Variants in TMCO4 observed in about 807,000 individuals in gnomAD.
TMCO4 encodes transmembrane and coiled-coil domain-containing protein 4.
In TMCO4, 58 loss-of-function variants were observed where a neutral mutation model predicts 64.7. The observed-to-expected ratio is 0.90, with a 90% CI of 0.73 to 1.12. The LOEUF is 1.12. Ranked by LOEUF, TMCO4 falls within the 50% of genes most tolerant of loss-of-function variation. The probability of loss-of-function intolerance (pLI) is 0.00; values close to 1 mark genes in which losing one functional copy is unlikely to be tolerated. For synonymous variants in TMCO4, 325 were observed against 346.1 expected (o/e 0.94, Z 0.68); for missense variants, 780 against 825.9 (o/e 0.94, Z 0.68).
chr1:19,719,443 C>T (rs1022588271), intron 13 of TMCO4, among the ~76,000 whole-genome samples: 2 of 152,128 alleles, frequency 1.3e-5, no homozygotes, highest in African/African-American at 2.4e-5. Flanking sequence ...TGGGTAATAA[C>T]AGATAAACAT....
chr1:19,688,650 T>TA (rs1184432933), intron 15 of TMCO4, among the ~76,000 whole-genome samples: 1 of 152,144 alleles, frequency 6.6e-6, no homozygotes, highest in Non-Finnish European at 1.5e-5. Flanking sequence ...AAGCAGTGGT[T>TA]AACAGCCCAG....
chr1:19,723,857 G>A (rs1245834972), intron 13 of TMCO4, among the ~76,000 whole-genome samples: 7 of 152,132 alleles, frequency 4.6e-5, no homozygotes, highest in African/African-American at 1.7e-4. Flanking sequence ...TGCCCTGTGG[G>A]TTAACAGTGA....
At chr1:19,750,664 T>A (rs915422500) in intron 7 of TMCO4, among the ~76,000 whole-genome samples, 1 of 152,014 alleles carries the variant, frequency 6.6e-6, no homozygotes, top group Non-Finnish European at 1.5e-5. Flanking sequence ...GATCCCTCTC[T>A]CCCCCTCTAA....
At chr1:19,767,093 C>G (rs1052599891) in intron 6 of TMCO4, among the ~76,000 whole-genome samples, 1 of 152,198 alleles carries the variant, frequency 6.6e-6, no homozygotes, top group African/African-American at 2.4e-5. Context: ...ATTATATTCC[C>G]ATGGGGATGC....
At chr1:19,740,487 C>G (rs1237097887) in intron 11 of TMCO4, among the ~76,000 whole-genome samples, 1 of 152,196 alleles carries the variant, frequency 6.6e-6, no homozygotes, top group African/African-American at 2.4e-5. Context: ...CTAAGATCCA[C>G]CAACTCCAGC....
chr1:19,742,778 G>T (rs1266442), intron 10 of TMCO4, among the ~76,000 whole-genome samples: 132,441 of 152,186 alleles, frequency 0.87, 57,771 homozygotes, highest in Middle Eastern at 0.91. Context: ...GGGGATCACA[G>T]GAGATGCTGC....
At chr1:19,727,252 G>T (rs891446194) in intron 13 of TMCO4, among the ~76,000 whole-genome samples, 2 of 152,178 alleles carry the variant, frequency 1.3e-5, no homozygotes, top group Non-Finnish European at 2.9e-5. Context: ...AGGACAGGAC[G>T]TGCAGACAAA....
Position 19,682,916 on chromosome 1 carries a change from C to G in TMCO4, c.*124G>C. 7.8e-7 allele frequency: 1 copy of G among 1,278,256 alleles called. No individual in the cohort carries two copies. Among genetic ancestry groups the G allele is most frequent in the South Asian group, 1.4e-5 (1 of 69,710 alleles). 79.2% of individuals were successfully genotyped at this position (1,278,256 alleles called of 1,614,324 possible). On this transcript the variant is annotated 3_prime_UTR_variant, in exon 16 of 16. Transcript: ENST00000294543. ...TTTCCTTTCCCTTTCAGTTCCAATTCCTTCCATTTAGGAAAGAGGCCTGTG... is the reference window on the plus strand; with the variant it reads ...TTTCCTTTCCCTTTCAGTTCCAATTGCTTCCATTTAGGAAAGAGGCCTGTG...
intron 9 of TMCO4, among the ~76,000 whole-genome samples, 194 bp downstream of exon 9, chr1:19,746,262 A>T (rs1467282252): frequency 2.6e-5 from 4 of 152,144 alleles, no homozygotes; most frequent in African/African-American, 9.7e-5. Context: ...ATGGGGAAAA[A>T]GCCAGCTTCT....
intron 4 of TMCO4, among the ~76,000 whole-genome samples, chr1:19,777,900 G>A (rs2043282721): frequency 6.6e-6 from 1 of 152,168 alleles, no homozygotes; most frequent in Non-Finnish European, 1.5e-5. Flanking sequence ...AGCCAGGCAT[G>A]GTGGCATGCA....
chr1:19,699,452 A>G (rs1348299397), intron 14 of TMCO4, among the ~76,000 whole-genome samples: 1 of 149,866 alleles, frequency 6.7e-6, no homozygotes, highest in Non-Finnish European at 1.5e-5. Context: ...GTCTTGCATC[A>G]AAGTCTTTGT....
At chr1:19,696,648 C>G (rs924398298) in intron 14 of TMCO4, among the ~76,000 whole-genome samples, 6 of 151,680 alleles carry the variant, frequency 4.0e-5, no homozygotes, top group African/African-American at 1.5e-4. Context: ...TTTTATTGAA[C>G]TATTTATAAG....
chr1:19,755,765 C>T lies in TMCO4; in HGVS notation c.384G>A (p.Gly128=). The T allele has an allele frequency of 6.2e-7, 1 of 1,613,878 alleles. No individual in the cohort carries two copies. The highest frequency in any genetic ancestry group is 8.5e-7 in the Non-Finnish European group (1 of 1,179,952). ...QDLLSFSLKD[G]HYDARARVLV... ...GGACTCTGGCCCGGGCGTCATAGTG[C>T]CCTCGAAAGACAGAAACAACACCGG... Residue 128 remains glycine, a splice_region_variant and synonymous_variant, in exon 7 of 16, where the codon GGG becomes GGA. Transcript: ENST00000294543.
chr1:19,690,809 C>T (rs1173024652), intron 15 of TMCO4, among the ~76,000 whole-genome samples: 1 of 151,892 alleles, frequency 6.6e-6, no homozygotes, highest in Non-Finnish European at 1.5e-5. Flanking sequence ...TGCTTAATAC[C>T]TCCTCTAGGG....
chr1:19,768,811 C>T (rs999346617), intron 6 of TMCO4, among the ~76,000 whole-genome samples: 9 of 149,884 alleles, frequency 6.0e-5, no homozygotes, highest in African/African-American at 2.0e-4. Flanking sequence ...TCCCAATCAG[C>T]GGGTCTGGGC....
intron 6 of TMCO4, among the ~76,000 whole-genome samples, chr1:19,769,422 C>T (rs940849276): frequency 1.3e-5 from 2 of 152,178 alleles, no homozygotes; most frequent in African/African-American, 4.8e-5. Flanking sequence ...GCCCAAAGCC[C>T]GCCCACTGCA....
chr1:19,776,882 C>A (rs1163856539), intron 4 of TMCO4, among the ~76,000 whole-genome samples: 2 of 151,992 alleles, frequency 1.3e-5, no homozygotes, highest in Non-Finnish European at 2.9e-5. Flanking sequence ...CGAAAATTAG[C>A]CAGGCATGGT....
chr1:19,792,765 ATTTTTTTTTTTT>A (rs71579823), intron 2 of TMCO4, among the ~76,000 whole-genome samples: 17 of 89,648 alleles, frequency 1.9e-4, no homozygotes, highest in Non-Finnish European at 2.9e-4. Flanking sequence ...GTCAAGGTCA[ATTTTTTTTTTTT>A]TTTTTTTTTT....
At chr1:19,728,845 A>C (rs1458117251) in intron 13 of TMCO4, among the ~76,000 whole-genome samples, 1 of 152,190 alleles carries the variant, frequency 6.6e-6, no homozygotes. Context: ...AGGGGAAGAG[A>C]GGAATGTCCC....
Sources: gnomAD v4.1 joint callset for allele counts (sites outside exome capture counted in the v4.1 genomes callset) on GRCh38, gnomAD v4.1.1 for gene constraint, MANE v1.5 for transcripts, NCBI Gene and HGNC (gene_info 2026-07-23, HGNC 2026-07-21) for gene names.